The following GLMN variants were observed in gnomAD, a reference collection of about 807,000 sequenced individuals.
GLMN encodes glomulin, FKBP associated protein, also known as glomulin.
A neutral mutation model predicts 87.8 loss-of-function variants in GLMN; 75 were observed. The observed-to-expected ratio is 0.85, with a 90% CI of 0.71 to 1.04. The LOEUF (loss-of-function observed/expected upper bound fraction) is 1.04, where lower values mean the gene tolerates loss of function less well. Ranked by LOEUF, GLMN falls within the 50% of genes least tolerant of loss-of-function variation. The probability of loss-of-function intolerance (pLI) is 0.00; values close to 1 mark genes in which losing one functional copy is unlikely to be tolerated. For synonymous variants in GLMN, 206 were observed against 221.6 expected, an observed-to-expected ratio of 0.93 and a Z score of 0.63; for missense variants, 588 against 658.8, an observed-to-expected ratio of 0.89 and a Z score of 1.18.
At chr1:92,309,396 C>T in the GLMN span, among the ~76,000 whole-genome samples, 117 of 149,700 alleles carry the variant, frequency 7.8e-4, 1 homozygote, top group African/African-American at 2.3e-3. Flanking sequence ...GAGCTGAGAT[C>T]GTGCCACTGC....
At chr1:92,335,787 C>T in the GLMN span, among the ~76,000 whole-genome samples, 3 of 152,018 alleles carry the variant, frequency 2.0e-5, no homozygotes, top group Non-Finnish European at 2.9e-5. Context: ...CCTATTGATA[C>T]ACATTTGTTT....
At chr1:92,292,788 G>C (rs1649575365) in intron 3 of GLMN, among the ~76,000 whole-genome samples, 1 of 148,702 alleles carries the variant, frequency 6.7e-6, no homozygotes, top group Non-Finnish European at 1.5e-5. Flanking sequence ...AACACTTTGG[G>C]AGGCTGAGGT....
At chr1:92,259,804 G>A (rs1037894511) in intron 16 of GLMN, among the ~76,000 whole-genome samples, 4 of 134,736 alleles carry the variant, frequency 3.0e-5, no homozygotes, top group Non-Finnish European at 6.1e-5. Flanking sequence ...GCATGATCTC[G>A]GCTCACTGCA....
the GLMN span, among the ~76,000 whole-genome samples, chr1:92,355,737 T>G: frequency 6.6e-6 from 1 of 152,210 alleles, no homozygotes; most frequent in Non-Finnish European, 1.5e-5. Flanking sequence ...CGAAACTTTT[T>G]CAGCACCAAC....
intron 7 of GLMN, among the ~76,000 whole-genome samples, chr1:92,281,824 C>T (rs1570941958): frequency 6.6e-6 from 1 of 151,798 alleles, no homozygotes; most frequent in Non-Finnish European, 1.5e-5. Context: ...GGTTGCAATC[C>T]TAGTCTCTGA....
chr1:92,289,127 G>T lies in GLMN; in HGVS notation c.419C>A (p.Ala140Glu), dbSNP rs779265470. 6.2e-7 allele frequency: 1 copy of T among 1,600,460 alleles called. No individual in the cohort carries two copies. The highest frequency in any genetic ancestry group is 1.1e-5 in the South Asian group (1 of 90,830). Residue 140 changes from alanine to glutamate, a missense_variant, in exon 6 of 19, where the codon GCA becomes GAA. Ala to Glu is a moderately radical substitution (Grantham distance 107). Transcript: ENST00000370360. ...QTVIQKLHNK[A>E]YSIGLALSTL... ...AGACAATGCTAATCCAATTGAATAT[G>T]CCTTGTTATGAAGTTTCTGAATCAC...
the GLMN span, among the ~76,000 whole-genome samples, chr1:92,360,258 G>A: frequency 2.2e-4 from 34 of 152,198 alleles, no homozygotes; most frequent in African/African-American, 8.2e-4. Flanking sequence ...ACGAAAATGA[G>A]AATAAGGACT....
At chr1:92,277,438 T>C (rs932760375) in intron 7 of GLMN, among the ~76,000 whole-genome samples, 3 of 152,210 alleles carry the variant, frequency 2.0e-5, no homozygotes, top group Non-Finnish European at 4.4e-5. Context: ...GATAAGTGTC[T>C]TTATGCTATT....
upstream of GLMN, chr1:92,303,940 T>G (rs1651033480): frequency 7.0e-7 from 1 of 1,425,356 alleles, no homozygotes; most frequent in South Asian, 1.2e-5. Context: ...ACTTTTCTAT[T>G]AAACTAGGAG....
intron 16 of GLMN, among the ~76,000 whole-genome samples, chr1:92,259,935 C>T (rs1570866319): frequency 6.6e-6 from 1 of 151,964 alleles, no homozygotes; most frequent in East Asian, 1.9e-4. Context: ...CGGGGTTTCA[C>T]TGTGTTAGCC....
At chr1:92,304,273 C>T in the GLMN span, 10 of 1,433,274 alleles carry the variant, frequency 7.0e-6, no homozygotes, top group East Asian at 2.3e-4. Flanking sequence ...GCTGTACTTT[C>T]TTTTCTTTAG....
At chr1:92,350,875 T>C in the GLMN span, among the ~76,000 whole-genome samples, 19 of 152,192 alleles carry the variant, frequency 1.2e-4, no homozygotes, top group Non-Finnish European at 2.4e-4. Context: ...AAGGTTGTAG[T>C]GAGCTGAGAT....
the GLMN span, among the ~76,000 whole-genome samples, chr1:92,327,657 G>A: frequency 2.2e-4 from 34 of 151,152 alleles, no homozygotes; most frequent in Non-Finnish European, 4.4e-4. Context: ...TACATTCAAT[G>A]TTAGTATTGA....
chr1:92,332,698 T>C, the GLMN span, among the ~76,000 whole-genome samples: 4 of 152,160 alleles, frequency 2.6e-5, no homozygotes, highest in African/African-American at 9.6e-5. Flanking sequence ...TCCTAGAGTA[T>C]GGTCTTTCCA....
Position 92,282,981 on chromosome 1 carries a change from A to T in GLMN, c.735+3509T>A, listed in dbSNP as rs149034971. 6.8e-4 allele frequency among the ~76,000 whole-genome samples: 104 copies of T among 152,354 alleles called. 1 individual carries two copies. In the East Asian group the frequency reaches 0.018, roughly 26 times the overall value. ...AACAGGTTCTGAAATTGAGGCAATA[A>T]TTAATAGCCTACCAACCAAAAAAAG... On this transcript the variant is annotated intron_variant, in intron 7 of 18. Coordinates refer to ENST00000370360, the MANE Select transcript of GLMN (RefSeq NM_053274.3).
At chr1:92,303,020 G>A (rs930396731), upstream of GLMN, among the ~76,000 whole-genome samples, 1 of 152,088 alleles carries the variant, frequency 6.6e-6, no homozygotes, top group Non-Finnish European at 1.5e-5. Flanking sequence ...ACAACACAGC[G>A]AGACCCTGTC....
In GLMN at chr1:92,290,736, T is replaced by C. The variant is rs535806470; in HGVS notation, c.286-430A>G. ...CTTATCATCTCACTTGACTGGTTTT[T>C]TAAAAGCTCCCAGCTCCCATAGTCA... On this transcript the variant is annotated intron_variant, in intron 4 of 18. Transcript: ENST00000370360. Among the ~76,000 whole-genome samples, 4 of 152,384 alleles carry C rather than the reference T, an allele frequency of 2.6e-5. No individual in the cohort carries two copies. In the East Asian group the frequency reaches 5.8e-4, roughly 22 times the overall value.
chr1:92,297,551 C>T, intron 2 of GLMN, 22 bp from the exon 3 acceptor site: 1 of 1,511,982 alleles, frequency 6.6e-7, no homozygotes. Flanking sequence ...AAAAAAAACC[C>T]AAAAAACAAA....
chr1:92,275,357 T>G (rs886234266), intron 7 of GLMN, among the ~76,000 whole-genome samples: 3 of 152,254 alleles, frequency 2.0e-5, no homozygotes, highest in Non-Finnish European at 4.4e-5. Context: ...TGATACCCAC[T>G]AGTTCTTCCT....
Sources: gnomAD v4.1 joint callset for allele counts (sites outside exome capture counted in the v4.1 genomes callset) on GRCh38, gnomAD v4.1.1 for gene constraint, MANE v1.5 for transcripts, NCBI Gene and HGNC (gene_info 2026-07-23, HGNC 2026-07-21) for gene names.